UNC5C: variants seen among roughly 807,000 people sequenced by gnomAD.
UNC5C encodes the protein unc-5 netrin receptor C, also known as netrin receptor UNC5C.
A neutral mutation model predicts 99.8 loss-of-function variants in UNC5C; 47 were observed. That is an observed-to-expected ratio of 0.47 (90% CI 0.37 to 0.60). The LOEUF is 0.60. Among genes scored for constraint, UNC5C ranks in the 20% least tolerant of loss-of-function variants. The probability of loss-of-function intolerance (pLI) is 0.00; values close to 1 mark genes in which losing one functional copy is unlikely to be tolerated. For synonymous variants in UNC5C, 487 were observed against 452.2 expected, an observed-to-expected ratio of 1.08 and a Z score of -0.98; for missense variants, 1,062 against 1,165.9, an observed-to-expected ratio of 0.91 and a Z score of 1.30.
At chr4:95,494,510 C>T (rs941936939) in intron 1 of UNC5C, among the ~76,000 whole-genome samples, 1 of 151,328 alleles carries the variant, frequency 6.6e-6, no homozygotes, top group Non-Finnish European at 1.5e-5. Flanking sequence ...GAATTCAATG[C>T]TTTTATAGAA....
chr4:95,395,960 A>G (rs1367697623), intron 1 of UNC5C, among the ~76,000 whole-genome samples: 1 of 152,190 alleles, frequency 6.6e-6, no homozygotes, highest in Non-Finnish European at 1.5e-5. Context: ...GGCAGCTTTC[A>G]GAGCAGCACA....
chr4:95,513,605 G>A (rs1439258643), intron 1 of UNC5C, among the ~76,000 whole-genome samples: 1 of 152,034 alleles, frequency 6.6e-6, no homozygotes, highest in Non-Finnish European at 1.5e-5. Context: ...ACATTAAAAT[G>A]TAAATTTCAA....
At chr4:95,367,468 C>T (rs1182765879) in intron 1 of UNC5C, among the ~76,000 whole-genome samples, 2 of 151,990 alleles carry the variant, frequency 1.3e-5, no homozygotes, top group African/African-American at 2.4e-5. Context: ...CGTGAGCCAC[C>T]GTACTGGCCT....
intron 1 of UNC5C, among the ~76,000 whole-genome samples, chr4:95,418,787 C>G (rs1746240071): frequency 6.6e-6 from 1 of 152,152 alleles, no homozygotes; most frequent in African/African-American, 2.4e-5. Context: ...AGATGATAAA[C>G]AATTACAGAG....
At chr4:95,213,488 T>G (rs544463458) in intron 10 of UNC5C, among the ~76,000 whole-genome samples, 1 of 152,326 alleles carries the variant, frequency 6.6e-6, no homozygotes, top group South Asian at 2.1e-4. Context: ...TTGTCCCATC[T>G]CTGTGGCTCA....
At chr4:95,358,996 T>C (rs890444693) in intron 1 of UNC5C, among the ~76,000 whole-genome samples, 2 of 152,180 alleles carry the variant, frequency 1.3e-5, no homozygotes, top group African/African-American at 4.8e-5. Flanking sequence ...GTTAAAGTTT[T>C]AAGATTTCAT....
chr4:95,267,072 T>C (rs2149389156), intron 4 of UNC5C, among the ~76,000 whole-genome samples: 1 of 152,340 alleles, frequency 6.6e-6, no homozygotes, highest in Admixed American at 6.5e-5. Context: ...ACAATACTTA[T>C]TTCCAATAAT....
intron 3 of UNC5C, among the ~76,000 whole-genome samples, chr4:95,290,895 A>G (rs954735582): frequency 6.6e-6 from 1 of 152,176 alleles, no homozygotes; most frequent in Non-Finnish European, 1.5e-5. Context: ...GCAGCAAGTC[A>G]GCAGAAAGGT....
intron 7 of UNC5C, among the ~76,000 whole-genome samples, chr4:95,238,467 C>T (rs943993877): frequency 4.6e-5 from 7 of 152,210 alleles, no homozygotes; most frequent in African/African-American, 1.4e-4. Flanking sequence ...ACTTAGTTTG[C>T]ACCTTCCCAT....
intron 1 of UNC5C, among the ~76,000 whole-genome samples, chr4:95,390,323 G>A (rs1010211306): frequency 6.6e-6 from 1 of 151,006 alleles, no homozygotes; most frequent in Non-Finnish European, 1.5e-5. Flanking sequence ...TTCCCCAGAA[G>A]TTCTAAACAG....
intron 14 of UNC5C, among the ~76,000 whole-genome samples, chr4:95,176,522 C>T (rs1259454082): frequency 6.6e-6 from 1 of 151,994 alleles, no homozygotes; most frequent in Non-Finnish European, 1.5e-5. Flanking sequence ...TCAGTCTGCC[C>T]CTGCTGGGGG....
At position 95,169,046 on chromosome 4, in the gene UNC5C, G is replaced by T; in HGVS notation, c.*188C>A. 3 of 642,772 alleles carry T rather than the reference G, an allele frequency of 4.7e-6. No homozygotes were observed. Among genetic ancestry groups the T allele is most frequent in the South Asian group, 2.4e-5 (1 of 41,320 alleles). 39.8% of individuals were successfully genotyped at this position (642,772 alleles called of 1,614,324 possible). ...ATTTACACAATTTTTCTTAACTCCC[G>T]TGATGATGTCCGAGTAAAGTGGGCA... is the stretch of plus-strand genomic sequence containing the variant. On this transcript the variant is annotated 3_prime_UTR_variant, in exon 16 of 16. Coordinates refer to ENST00000453304, the MANE Select transcript of UNC5C (RefSeq NM_003728.4).
chr4:95,422,021 T>C (rs1746333249), intron 1 of UNC5C, among the ~76,000 whole-genome samples: 1 of 152,194 alleles, frequency 6.6e-6, no homozygotes, highest in Non-Finnish European at 1.5e-5. Context: ...ACAGAGCACA[T>C]GTCAGATGTG....
chr4:95,442,824 A>C (rs1746990123), intron 1 of UNC5C, among the ~76,000 whole-genome samples: 2 of 151,890 alleles, frequency 1.3e-5, no homozygotes, highest in Admixed American at 1.3e-4. Context: ...CAATACACAC[A>C]CACACACACA....
chr4:95,176,617 G>C (rs28879416), intron 14 of UNC5C, among the ~76,000 whole-genome samples: 1 of 152,040 alleles, frequency 6.6e-6, no homozygotes, highest in South Asian at 2.1e-4. Flanking sequence ...CTCCAGCTGC[G>C]TGCTGGGAGA....
chr4:95,298,505 C>T (rs1284601517), intron 3 of UNC5C, among the ~76,000 whole-genome samples: 1 of 152,154 alleles, frequency 6.6e-6, no homozygotes, highest in Non-Finnish European at 1.5e-5. Flanking sequence ...CACACTCCTG[C>T]CTCAGGGTTT....
chr4:95,373,018 T>C (rs1484022436), intron 1 of UNC5C, among the ~76,000 whole-genome samples: 1 of 152,134 alleles, frequency 6.6e-6, no homozygotes, highest in African/African-American at 2.4e-5. Context: ...TCTGATTTCC[T>C]AAAGACCAAA....
chr4:95,297,036 G>A (rs1202474294), intron 3 of UNC5C, among the ~76,000 whole-genome samples: 1 of 152,110 alleles, frequency 6.6e-6, no homozygotes, highest in Non-Finnish European at 1.5e-5. Context: ...CATGCTGGTG[G>A]GGTAGGGAGT....
intron 2 of UNC5C, among the ~76,000 whole-genome samples, chr4:95,332,443 C>T (rs1365337719): frequency 7.0e-6 from 1 of 142,194 alleles, no homozygotes; most frequent in Non-Finnish European, 1.5e-5. Context: ...TGATCTTTGA[C>T]AAACCTGAGA....
Sources: gnomAD v4.1 joint callset for allele counts (sites outside exome capture counted in the v4.1 genomes callset) on GRCh38, gnomAD v4.1.1 for gene constraint, MANE v1.5 for transcripts, NCBI Gene and HGNC (gene_info 2026-07-23, HGNC 2026-07-21) for gene names.